Variants in GLT1D1 observed in about 807,000 individuals in gnomAD.
The protein encoded by GLT1D1 is glycosyltransferase 1 domain containing 1, also known as glycosyltransferase 1 domain-containing protein 1.
Under a neutral mutation model 28.7 loss-of-function variants are expected in GLT1D1, and 21 were observed. The ratio of observed to expected loss-of-function variants is 0.73; its 90% CI spans 0.52 to 1.05. The LOEUF (loss-of-function observed/expected upper bound fraction) is 1.05. Ranked by LOEUF, GLT1D1 falls within the 50% of genes least tolerant of loss-of-function variation. The pLI is 0.00. For synonymous variants in GLT1D1, 147 were observed against 124.8 expected, an observed-to-expected ratio of 1.18 and a Z score of -1.19; for missense variants, 343 against 330.6, an observed-to-expected ratio of 1.04 and a Z score of -0.29.
At position 128,984,874 on chromosome 12, in the gene GLT1D1, T is replaced by C. The variant is rs1405808297; in HGVS notation, c.*1784T>C. The C allele has an allele frequency of 6.6e-6, 1 of 152,268 alleles. No homozygotes were observed. Among genetic ancestry groups the C allele is most frequent in the Non-Finnish European group, 1.5e-5 (1 of 68,056 alleles). 9.4% of individuals were successfully genotyped at this position (152,268 alleles called of 1,614,324 possible). On this transcript the variant is annotated 3_prime_UTR_variant, in exon 8 of 8. Coordinates refer to ENST00000281703, the MANE Select transcript of GLT1D1 (RefSeq NM_144669.3). ...CACCGTACCTCCACATCACTATTCA[T>C]GTCCTTCTAGGAAAATGTGCACATG...
At chr12:128,949,039 T>C (rs1876421952) in intron 6 of GLT1D1, among the ~76,000 whole-genome samples, 1 of 152,226 alleles carries the variant, frequency 6.6e-6, no homozygotes, top group Non-Finnish European at 1.5e-5. Flanking sequence ...TTAATCTCCA[T>C]TGTCCTTTCA....
At chr12:128,917,798 C>T (rs765445016) in intron 4 of GLT1D1, among the ~76,000 whole-genome samples, 37 of 152,038 alleles carry the variant, frequency 2.4e-4, no homozygotes, top group African/African-American at 8.2e-4. Context: ...GTCAGAATGG[C>T]GATTATTAAG....
intron 4 of GLT1D1, among the ~76,000 whole-genome samples, chr12:128,935,459 T>G (rs1278078024): frequency 6.6e-6 from 1 of 151,026 alleles, no homozygotes; most frequent in Non-Finnish European, 1.5e-5. Context: ...GGAAATCGCT[T>G]GAACCCGGGA....
chr12:128,931,913 GCACGCACACACACACACACACACACA>G (rs968699591), intron 4 of GLT1D1, among the ~76,000 whole-genome samples: 1 of 127,110 alleles, frequency 7.9e-6, no homozygotes, highest in Non-Finnish European at 1.9e-5. Flanking sequence ...GCACACACAC[GCACGCACACACACACACACACACACA>G]CAACGTTGGC....
rs1216554867 is a variant in GLT1D1, at chr12:128,983,989, C to A, written c.*899C>A. On this transcript the variant is annotated 3_prime_UTR_variant, in exon 8 of 8. Coordinates refer to ENST00000281703, the MANE Select transcript of GLT1D1 (RefSeq NM_144669.3). The surrounding 1 kb of genome is among the most constrained non-coding windows in gnomAD (Gnocchi z 4.7). ...AGCCGCGCCATCATGGTAATGGTGG[C>A]CTCGCCCCATCCATGTCATCCATGT... The A allele has an allele frequency of 6.6e-6, 1 of 152,302 alleles. No individual in the cohort carries two copies. The highest frequency in any genetic ancestry group is 1.5e-5 in the Non-Finnish European group (1 of 68,084). The allele number at this position is 152,302 out of a possible 1,614,324, so 9.4% of individuals were successfully genotyped here.
chr12:128,909,605 A>T (rs1871318302), intron 4 of GLT1D1, among the ~76,000 whole-genome samples: 1 of 152,236 alleles, frequency 6.6e-6, no homozygotes, highest in South Asian at 2.1e-4. Flanking sequence ...GTATTTCAAA[A>T]ATAATCTATT....
intron 3 of GLT1D1, among the ~76,000 whole-genome samples, chr12:128,891,774 G>A (rs1333481090): frequency 4.6e-5 from 7 of 152,122 alleles, no homozygotes; most frequent in Admixed American, 1.3e-4. Flanking sequence ...GACCCCGATC[G>A]TATGTTGTGG....
intron 1 of GLT1D1, among the ~76,000 whole-genome samples, chr12:128,859,010 A>G (rs1411829496): frequency 6.6e-6 from 1 of 152,150 alleles, no homozygotes; most frequent in African/African-American, 2.4e-5. Context: ...TTTCTGAACC[A>G]AACCAATGTA....
chr12:128,904,058 T>C (rs909493445), intron 4 of GLT1D1, among the ~76,000 whole-genome samples: 7 of 151,808 alleles, frequency 4.6e-5, no homozygotes, highest in African/African-American at 1.5e-4. Flanking sequence ...TTTTCAGGCA[T>C]GTGTAGAAGT....
intron 3 of GLT1D1, among the ~76,000 whole-genome samples, chr12:128,895,379 G>A (rs1044200247): frequency 1.3e-5 from 2 of 151,960 alleles, no homozygotes; most frequent in African/African-American, 2.4e-5. Flanking sequence ...TTAGGCATCC[G>A]AATGGAGGTA....
intron 3 of GLT1D1, among the ~76,000 whole-genome samples, chr12:128,894,884 A>T (rs1351834269): frequency 6.7e-6 from 1 of 150,284 alleles, no homozygotes; most frequent in Non-Finnish European, 1.5e-5. Flanking sequence ...TAAAAATTAT[A>T]TATATATATA....
chr12:128,943,625 A>G (rs1593168373), intron 4 of GLT1D1, among the ~76,000 whole-genome samples: 1 of 152,358 alleles, frequency 6.6e-6, no homozygotes, highest in African/African-American at 2.4e-5. Flanking sequence ...TCTTAAAGTA[A>G]TATTTTTCTA....
At chr12:128,982,795 A>G (rs1880465865) in intron 7 of GLT1D1, 134 bp from the exon 12 acceptor site, 1 of 688,476 alleles carries the variant, frequency 1.5e-6, no homozygotes, top group African/African-American at 1.8e-5. Flanking sequence ...ATCCCTCCTA[A>G]AAGTCACTCT....
At chr12:128,916,156 A>C (rs1225919669) in intron 4 of GLT1D1, among the ~76,000 whole-genome samples, 1 of 152,106 alleles carries the variant, frequency 6.6e-6, no homozygotes, top group Admixed American at 6.6e-5. Context: ...TGTTCAACTA[A>C]TGTGTTTGAG....
intron 4 of GLT1D1, among the ~76,000 whole-genome samples, chr12:128,942,744 TTTTTGTTTTTTG>T: frequency 3.2e-5 from 2 of 62,870 alleles, no homozygotes; most frequent in Non-Finnish European, 3.0e-5. Flanking sequence ...TGTTTGTTTG[TTTTTGTTTTTTG>T]TTTTTTTTTT....
chr12:128,876,130 A>G (rs1259937466), intron 2 of GLT1D1, 68 bp downstream of exon 2: 11 of 1,371,140 alleles, frequency 8.0e-6, no homozygotes, highest in Non-Finnish European at 1.1e-5. Context: ...TGTAATGTCC[A>G]ATAACACGGG....
chr12:128,920,875 GT>G (rs1336642179), intron 4 of GLT1D1, among the ~76,000 whole-genome samples: 1 of 152,202 alleles, frequency 6.6e-6, no homozygotes, highest in Non-Finnish European at 1.5e-5. Context: ...ATAAAAATAA[GT>G]TTGGCATTAA....
rs527990293 is a variant in GLT1D1, at chr12:128,939,879, A to G, written c.376-5447A>G. Among the ~76,000 whole-genome samples the G allele has an allele frequency of 5.6e-3, 386 of 69,226 alleles. 3 individuals are homozygous for G. Among genetic ancestry groups the G allele is most frequent in the South Asian group, 0.054 (121 of 2,238 alleles). 45.4% of individuals were successfully genotyped at this position (69,226 alleles called of 152,430 possible). On this transcript the variant is annotated intron_variant, in intron 4 of 7. Transcript: ENST00000281703. ...ATCCAATCACCTCCTACCAGGCCCC[A>G]CCTCCAACAATGGGGATTACAATTT...
At chr12:128,935,910 GACC>G (rs1433242784) in intron 4 of GLT1D1, among the ~76,000 whole-genome samples, 1 of 152,156 alleles carries the variant, frequency 6.6e-6, no homozygotes, top group African/African-American at 2.4e-5. Context: ...AACACCCCTA[GACC>G]ACAACCACAT....
Sources: gnomAD v4.1 joint callset for allele counts (sites outside exome capture counted in the v4.1 genomes callset) on GRCh38, gnomAD v4.1.1 for gene constraint, Gnocchi (gnomAD v3.1) non-coding constraint, MANE v1.5 for transcripts, NCBI Gene and HGNC (gene_info 2026-07-23, HGNC 2026-07-21) for gene names.